The following EPHA5 variants were observed in gnomAD, a reference collection of about 807,000 sequenced individuals.
The protein encoded by EPHA5 is ephrin type-A receptor 5.
Under a neutral mutation model 105.0 loss-of-function variants are expected in EPHA5, and 60 were observed. The ratio of observed to expected loss-of-function variants is 0.57; its 90% CI spans 0.46 to 0.71. The LOEUF (loss-of-function observed/expected upper bound fraction) is 0.71. EPHA5 is among the 30% of genes least tolerant of loss of function. EPHA5 has a pLI of 0.00. For synonymous variants in EPHA5, 513 were observed against 449.1 expected (o/e 1.14, Z -1.80); for missense variants, 1,218 against 1,274.7 (o/e 0.96, Z 0.68).
intron 11 of EPHA5, among the ~76,000 whole-genome samples, chr4:65,359,658 T>C (rs1384403494): frequency 5.3e-5 from 8 of 151,554 alleles, no homozygotes; most frequent in Non-Finnish European, 1.2e-4. Context: ...TGTGATTGCC[T>C]TCAAAATATC....
intron 3 of EPHA5, among the ~76,000 whole-genome samples, chr4:65,570,610 G>C (rs1393400679): frequency 6.6e-6 from 1 of 151,774 alleles, no homozygotes; most frequent in East Asian, 1.9e-4. Flanking sequence ...AAAAGGTCAT[G>C]ATTATACGAT....
intron 5 of EPHA5, among the ~76,000 whole-genome samples, chr4:65,433,264 A>AT (rs1725148158): frequency 6.6e-6 from 1 of 152,194 alleles, no homozygotes; most frequent in African/African-American, 2.4e-5. Flanking sequence ...TCTAAACTTA[A>AT]TTTAGGTAAA....
At chr4:65,500,011 A>G (rs150133941) in intron 3 of EPHA5, among the ~76,000 whole-genome samples, 256 of 151,430 alleles carry the variant, frequency 1.7e-3, no homozygotes, top group African/African-American at 5.6e-3. Context: ...TGAAGATACA[A>G]GTGTATTTCA....
chr4:65,412,332 G>C (rs1722989307), intron 7 of EPHA5, among the ~76,000 whole-genome samples: 1 of 152,126 alleles, frequency 6.6e-6, no homozygotes, highest in African/African-American at 2.4e-5. Flanking sequence ...CTGGAGAGAA[G>C]TTTCCATGTG....
At chr4:65,493,521 T>C (rs1421913880) in intron 4 of EPHA5, among the ~76,000 whole-genome samples, 1 of 152,184 alleles carries the variant, frequency 6.6e-6, no homozygotes, top group Non-Finnish European at 1.5e-5. Flanking sequence ...TGTGGTATTA[T>C]GAATGCAACT....
intron 3 of EPHA5, among the ~76,000 whole-genome samples, chr4:65,510,141 T>C (rs1475871284): frequency 1.3e-5 from 2 of 151,566 alleles, no homozygotes; most frequent in African/African-American, 4.8e-5. Flanking sequence ...TTCAAGTGAT[T>C]CTCCTGCCTC....
At chr4:65,365,689 A>ATATATATATATATAT (rs765636669) in intron 10 of EPHA5, among the ~76,000 whole-genome samples, 15 of 93,826 alleles carry the variant, frequency 1.6e-4, no homozygotes, top group South Asian at 3.9e-4. Context: ...ATATATATAT[A>ATATATATATATATAT]GTGAAACATT....
chr4:65,501,861 G>T (rs905870525), intron 3 of EPHA5, among the ~76,000 whole-genome samples: 1 of 151,734 alleles, frequency 6.6e-6, no homozygotes, highest in African/African-American at 2.4e-5. Flanking sequence ...TACAGTATAA[G>T]GTTCCAGTAA....
At chr4:65,553,779 T>C (rs1738142349) in intron 3 of EPHA5, among the ~76,000 whole-genome samples, 1 of 152,060 alleles carries the variant, frequency 6.6e-6, no homozygotes, top group Non-Finnish European at 1.5e-5. Context: ...TCAAGTGTTT[T>C]GAAATAAATT....
chr4:65,553,979 C>A (rs1233930371), intron 3 of EPHA5, among the ~76,000 whole-genome samples: 1 of 151,866 alleles, frequency 6.6e-6, no homozygotes, highest in Non-Finnish European at 1.5e-5. Flanking sequence ...AAATTTAAGT[C>A]TCCAAATTTA....
chr4:65,602,276 T>A lies in EPHA5; in HGVS notation c.275A>T (p.Asn92Ile). Residue 92 changes from asparagine (N) to isoleucine (I), a missense_variant, in exon 3 of 17, where the codon AAT becomes ATT. Physicochemically the swap from Asn to Ile is moderately radical, Grantham distance 149 (BLOSUM62 -3). Transcript: ENST00000613740. Reference sequence around the variant, plus strand: ...TTGGTATGTGTGGATAGGGGCATAATTTTCATCCACTTCACCAATCTCTTC... The same window carrying A: ...TTGGTATGTGTGGATAGGGGCATAAATTTCATCCACTTCACCAATCTCTTC... ...GWEEIGEVDE[N>I]YAPIHTYQVC... The A allele has an allele frequency of 6.2e-7, 1 of 1,602,836 alleles. No homozygotes were observed. The highest frequency in any genetic ancestry group is 8.5e-7 in the Non-Finnish European group (1 of 1,176,124).
chr4:65,587,939 C>T (rs1364026496), intron 3 of EPHA5, among the ~76,000 whole-genome samples: 1 of 152,122 alleles, frequency 6.6e-6, no homozygotes, highest in African/African-American at 2.4e-5. Flanking sequence ...ACAGATTAAG[C>T]TCACAGGTGA....
chr4:65,463,212 AGCTG>A (rs372372679), intron 5 of EPHA5, among the ~76,000 whole-genome samples: 15 of 152,246 alleles, frequency 9.9e-5, no homozygotes, highest in African/African-American at 3.6e-4. Flanking sequence ...TTCATATCCA[AGCTG>A]GCTTTTTATT....
Position 65,365,066 on chromosome 4 carries a change from T to C in EPHA5, c.2124A>G (p.Gly708=). Residue 708 remains glycine (G), a synonymous_variant, in exon 11 of 17, where the codon GGA becomes GGG. Coordinates refer to ENST00000613740, the MANE Select transcript of EPHA5 (RefSeq NM_001281766.3). Reference sequence around the variant, plus strand: ...GGATGATGTTAGGATGATCAAACTGTCCCATGATACTTGCTTCACCTAGGA... The same window carrying C: ...GGATGATGTTAGGATGATCAAACTGCCCCATGATACTTGCTTCACCTAGGA... ...RDFLGEASIM[G]QFDHPNIIHL... is the part of the protein sequence containing the mutation. The C allele has an allele frequency of 6.2e-7, 1 of 1,611,826 alleles. No homozygotes were observed. The highest frequency in any genetic ancestry group is 8.5e-7 in the Non-Finnish European group (1 of 1,178,452).
chr4:65,487,855 C>T (rs1416874123), intron 5 of EPHA5, among the ~76,000 whole-genome samples: 1 of 152,130 alleles, frequency 6.6e-6, no homozygotes, highest in African/African-American at 2.4e-5. Flanking sequence ...TGCAATTTCC[C>T]TGTCTTGATC....
intron 3 of EPHA5, among the ~76,000 whole-genome samples, chr4:65,582,053 G>C (rs12054588): frequency 1.3e-5 from 2 of 151,322 alleles, no homozygotes; most frequent in African/African-American, 2.4e-5. Flanking sequence ...ATATAGAAAT[G>C]GTCCTCCTCC....
At chr4:65,619,565 A>G (rs1224299662) in intron 2 of EPHA5, among the ~76,000 whole-genome samples, 1 of 152,182 alleles carries the variant, frequency 6.6e-6, no homozygotes, top group Non-Finnish European at 1.5e-5. Flanking sequence ...ATGGTTTTAA[A>G]AAAGTATCAC....
At chr4:65,342,751 CAT>C (rs964364015) in intron 14 of EPHA5, among the ~76,000 whole-genome samples, 7 of 150,604 alleles carry the variant, frequency 4.6e-5, no homozygotes, top group Non-Finnish European at 3.0e-5. Context: ...TATACATACA[CAT>C]ATAATTTATA....
chr4:65,576,140 A>AAAGG (rs1325784230), intron 3 of EPHA5, among the ~76,000 whole-genome samples: 22 of 139,658 alleles, frequency 1.6e-4, no homozygotes, highest in Admixed American at 2.3e-4. Flanking sequence ...GAAAAGAAAG[A>AAAGG]AAGAAAAAGA....
Sources: allele counts gnomAD v4.1 joint callset (sites outside exome capture counted in the v4.1 genomes callset), GRCh38; gene constraint gnomAD v4.1.1; transcripts MANE v1.5; gene names NCBI Gene and HGNC (gene_info 2026-07-23, HGNC 2026-07-21).